FXN: variants seen among roughly 807,000 people sequenced by gnomAD.
FXN encodes frataxin, also known as frataxin, mitochondrial.
In FXN, 14 loss-of-function variants were observed where a neutral mutation model predicts 22.4. That is an observed-to-expected ratio of 0.62 (90% confidence interval 0.41 to 0.98). The LOEUF (loss-of-function observed/expected upper bound fraction) is 0.98. FXN is among the 50% of genes least tolerant of loss of function. FXN has a pLI of 0.00. For missense variants in FXN, 267 were observed against 268.4 expected, an observed-to-expected ratio of 0.99 and a Z score of 0.04; for synonymous variants, 120 against 114.1, an observed-to-expected ratio of 1.05 and a Z score of -0.33.
At position 69,075,344 on chromosome 9, in the gene FXN, C is replaced by G. The variant is rs1224740473; in HGVS notation, c.*2582C>G. On this transcript the variant is annotated 3_prime_UTR_variant, in exon 5 of 5. Transcript: ENST00000484259. The stretch of plus-strand genomic sequence containing the variant: ...GCGTGGTGGTTCGTGCCTATAATTT[C>G]AGCTACTCAGGAGGCTGAGGCAGGA... 3.4e-6 allele frequency: 2 copies of G among 581,680 alleles called. No homozygotes were observed. The highest frequency in any genetic ancestry group is 1.5e-4 in the East Asian group (1 of 6,872). The allele number at this position is 581,680 out of a possible 1,614,324, so 36.0% of individuals were successfully genotyped here.
Position 69,076,337 on chromosome 9 carries a change from C to A in FXN, c.*3575C>A, listed in dbSNP as rs1296527254. 1.0e-6 allele frequency: 1 copy of A among 985,148 alleles called. No individual in the cohort carries two copies. The highest frequency in any genetic ancestry group is 1.2e-6 in the Non-Finnish European group (1 of 829,868). 61.0% of individuals were successfully genotyped at this position (985,148 alleles called of 1,614,324 possible). A position where few individuals can be genotyped will look rare whatever the true frequency, so the allele number is the denominator to read the frequency against. On this transcript the variant is annotated 3_prime_UTR_variant, in exon 5 of 5. Coordinates refer to ENST00000484259, the MANE Select transcript of FXN (RefSeq NM_000144.5). Reference sequence around the variant, plus strand: ...TCATGACAACTGTTGTTCTCACATGCATAGCATAATTTCATATTCACATTG... The same window carrying A: ...TCATGACAACTGTTGTTCTCACATGAATAGCATAATTTCATATTCACATTG...
rs987562496 is a variant in FXN, at chr9:69,076,210, G to A, written c.*3448G>A. Reference sequence around the variant, plus strand: ...TACTTGTTTGTAGACACTGACAGTGGCCTCATGTTTTTTTTTTTTTTAATC... The same window carrying A: ...TACTTGTTTGTAGACACTGACAGTGACCTCATGTTTTTTTTTTTTTTAATC... On this transcript the variant is annotated 3_prime_UTR_variant, in exon 5 of 5. Transcript: ENST00000484259. 20 of 916,200 alleles carry A rather than the reference G, an allele frequency of 2.2e-5. No homozygotes were observed. The African/African-American group carries it at 4.2e-4, about 19-fold the overall frequency. 56.8% of individuals were successfully genotyped at this position (916,200 alleles called of 1,614,324 possible).
intron 3 of FXN, among the ~76,000 whole-genome samples, chr9:69,057,401 G>A (rs531874171): frequency 7.2e-4 from 110 of 152,228 alleles, no homozygotes; most frequent in African/African-American, 2.6e-3. Context: ...AGGCTAGTAG[G>A]CTTTCCAGAT....
chr9:69,066,888 G>A lies in FXN; in HGVS notation c.482+1853G>A, dbSNP rs1646500071. Reference sequence around the variant, plus strand: ...AAAAAAAATATATATATATATATGGGGGACGGGGCAGGTTGAGACTGGGTG... The same window carrying A: ...AAAAAAAATATATATATATATATGGAGGACGGGGCAGGTTGAGACTGGGTG... On this transcript the variant is annotated intron_variant, in intron 4 of 4. Transcript: ENST00000484259. 2.0e-5 allele frequency among the ~76,000 whole-genome samples: 3 copies of A among 151,000 alleles called. No individual in the cohort carries two copies. In the South Asian group the frequency reaches 6.2e-4, roughly 31 times the overall value.
Position 69,046,432 on chromosome 9 carries a change from G to C in FXN, c.213G>C (p.Gln71His). 1 of 1,614,162 alleles carries C rather than the reference G, an allele frequency of 6.2e-7. No individual in the cohort carries two copies. Among genetic ancestry groups the C allele is most frequent in the Non-Finnish European group, 8.5e-7 (1 of 1,180,020 alleles). ...GLNQIWNVKK[Q>H]SVYLMNLRKS... is the part of the protein sequence containing the mutation. ...ACCAGATTTGGAATGTCAAAAAGCA[G>C]AGTGTCTATTTGATGAATTTGAGGA... is the stretch of plus-strand genomic sequence containing the variant. Residue 71 changes from glutamine to histidine, a missense_variant, in exon 2 of 5, where the codon CAG becomes CAC. Gln to His is a conservative substitution (Grantham distance 24). Coordinates refer to ENST00000484259, the MANE Select transcript of FXN (RefSeq NM_000144.5).
At chr9:69,069,646 G>A (rs1031724753) in intron 4 of FXN, among the ~76,000 whole-genome samples, 9 of 152,218 alleles carry the variant, frequency 5.9e-5, no homozygotes, top group African/African-American at 2.2e-4. Flanking sequence ...AAATCCAAAG[G>A]AGTAAAGAGC....
intron 3 of FXN, among the ~76,000 whole-genome samples, chr9:69,056,597 A>C (rs771376781): frequency 1.3e-5 from 2 of 152,198 alleles, no homozygotes; most frequent in Non-Finnish European, 2.9e-5. Context: ...ACTGTTCTCC[A>C]GCCAGGATGA....
chr9:69,061,755 CTA>C (rs1379904763), intron 3 of FXN, among the ~76,000 whole-genome samples: 1 of 151,538 alleles, frequency 6.6e-6, no homozygotes, highest in East Asian at 1.9e-4. Flanking sequence ...CAGTTCCCAC[CTA>C]TGAGTGAGAA....
intron 3 of FXN, among the ~76,000 whole-genome samples, chr9:69,064,259 CATTT>C (rs2133126174): frequency 6.6e-6 from 1 of 152,228 alleles, no homozygotes; most frequent in South Asian, 2.1e-4. Flanking sequence ...TTTAAATGAG[CATTT>C]ATTGGTCAAA....
rs1407941924 is a variant in FXN at position 69,077,053 on chromosome 9, A to C, written c.*4291A>C. The C allele has an allele frequency of 1.3e-5, 6 of 472,308 alleles. No homozygotes were observed. The Admixed American group carries it at 3.8e-4, about 30-fold the overall frequency. 29.3% of individuals were successfully genotyped at this position (472,308 alleles called of 1,614,324 possible). On this transcript the variant is annotated 3_prime_UTR_variant, in exon 5 of 5. Transcript: ENST00000484259. ...CTCAGCCTCCCGAGTAGCTGGGATT[A>C]CAGGTGCCTGCCACCACACCCGGCT...
At chr9:69,062,256 T>C (rs1280369511) in intron 3 of FXN, among the ~76,000 whole-genome samples, 1 of 152,104 alleles carries the variant, frequency 6.6e-6, no homozygotes, top group African/African-American at 2.4e-5. Context: ...TGACTATAGG[T>C]GCGCACCACC....
At position 69,074,158 on chromosome 9, in the gene FXN, T is replaced by G; in HGVS notation, c.*1396T>G. On this transcript the variant is annotated 3_prime_UTR_variant, in exon 5 of 5. Transcript: ENST00000484259. ...GAGATCGTGCCATTGCACTGTAACC[T>G]GGGTGACTGAGCAAAACTCTGTCTC... 6 of 745,548 alleles carry G rather than the reference T, an allele frequency of 8.0e-6. No homozygotes were observed. The highest frequency in any genetic ancestry group is 9.8e-6 in the Non-Finnish European group (6 of 611,430). The allele number at this position is 745,548 out of a possible 1,614,324, so 46.2% of individuals were successfully genotyped here.
At chr9:69,043,798 A>G (rs1229041417) in intron 1 of FXN, among the ~76,000 whole-genome samples, 2 of 152,082 alleles carry the variant, frequency 1.3e-5, no homozygotes, top group African/African-American at 4.8e-5. Context: ...TGGCCAGGCT[A>G]GTCTTGAACT....
chr9:69,061,686 C>T (rs1161181509), intron 3 of FXN, among the ~76,000 whole-genome samples: 1 of 150,994 alleles, frequency 6.6e-6, no homozygotes, highest in African/African-American at 2.4e-5. Context: ...CTCCCTCCAC[C>T]CCACAACAGT....
Position 69,073,452 on chromosome 9 carries a change from A to T in FXN, c.*690A>T. On this transcript the variant is annotated 3_prime_UTR_variant, in exon 5 of 5. Coordinates refer to ENST00000484259, the MANE Select transcript of FXN (RefSeq NM_000144.5). The stretch of plus-strand genomic sequence containing the variant: ...AAAGGTTAGTATGGAATCAGCTGCT[A>T]CAAGAATGCAAAAAATCTTCCAAAG... 1 of 985,472 alleles carries T rather than the reference A, an allele frequency of 1.0e-6. No individual in the cohort carries two copies. The allele number at this position is 985,472 out of a possible 1,614,324, so 61.0% of individuals were successfully genotyped here. A position where few individuals can be genotyped will look rare whatever the true frequency, so the allele number is the denominator to read the frequency against.
chr9:69,036,958 C>G (rs999070209), intron 1 of FXN, among the ~76,000 whole-genome samples: 30 of 152,010 alleles, frequency 2.0e-4, no homozygotes, highest in Non-Finnish European at 1.3e-4. Context: ...GTGGCTGGTA[C>G]GCCGCATGTA....
In FXN at chr9:69,076,575, A is replaced by G. The variant is rs1375586876; in HGVS notation, c.*3813A>G. The G allele has an allele frequency of 2.3e-5, 23 of 985,332 alleles. No homozygotes were observed. The highest frequency in any genetic ancestry group is 2.7e-5 in the Non-Finnish European group (22 of 829,936). 61.0% of individuals were successfully genotyped at this position (985,332 alleles called of 1,614,324 possible). A position where few individuals can be genotyped will look rare whatever the true frequency, so the allele number is the denominator to read the frequency against. Reference sequence around the variant, plus strand: ...ACAGTTTGCATTAAATTATAGGTTTACAATATGCTTTATCCAGCTATACCT... The same window carrying G: ...ACAGTTTGCATTAAATTATAGGTTTGCAATATGCTTTATCCAGCTATACCT... On this transcript the variant is annotated 3_prime_UTR_variant, in exon 5 of 5. Transcript: ENST00000484259.
intron 2 of FXN, among the ~76,000 whole-genome samples, chr9:69,048,420 A>G (rs1587819086): frequency 6.6e-6 from 1 of 152,096 alleles, no homozygotes; most frequent in Non-Finnish European, 1.5e-5. Flanking sequence ...CCTGGCCAAC[A>G]TGGTGAAACC....
chr9:69,068,746 G>A (rs1832219069), intron 4 of FXN, among the ~76,000 whole-genome samples: 1 of 152,242 alleles, frequency 6.6e-6, no homozygotes, highest in Admixed American at 6.5e-5. Context: ...CCAAGATGCG[G>A]CCAGCACCTC....
Sources: allele counts gnomAD v4.1 joint callset (sites outside exome capture counted in the v4.1 genomes callset), GRCh38; gene constraint gnomAD v4.1.1; transcripts MANE v1.5; gene names NCBI Gene and HGNC (gene_info 2026-07-23, HGNC 2026-07-21).